The following ST8SIA5 variants were observed in gnomAD, a reference collection of about 807,000 sequenced individuals.
ST8SIA5 encodes the protein ST8 alpha-N-acetyl-neuraminide alpha-2,8-sialyltransferase 5.
In ST8SIA5, 24 loss-of-function variants were observed where a neutral mutation model predicts 40.2. That is an observed-to-expected ratio of 0.60 (90% CI 0.43 to 0.84). ST8SIA5 has a LOEUF of 0.84. ST8SIA5 is among the 40% of genes least tolerant of loss of function. ST8SIA5 has a pLI of 0.00. For missense variants in ST8SIA5, 465 were observed against 498.5 expected (o/e 0.93, Z 0.64); for synonymous variants, 198 against 201.8 (o/e 0.98, Z 0.16).
At chr18:46,738,909 T>C (rs960256418) in intron 1 of ST8SIA5, among the ~76,000 whole-genome samples, 1 of 152,176 alleles carries the variant, frequency 6.6e-6, no homozygotes, top group Non-Finnish European at 1.5e-5. Flanking sequence ...ACTAGCCACA[T>C]GCAGGCAGCC....
rs116727063 is a variant in ST8SIA5 at position 46,709,730 on chromosome 18, C to A, written c.132-5066G>T. 9.8e-3 allele frequency among the ~76,000 whole-genome samples: 1,489 copies of A among 152,276 alleles called. 20 individuals are homozygous for A. The highest frequency in any genetic ancestry group is 0.033 in the African/African-American group (1,353 of 41,544). ...AGAATTATATATACGTATGTGAAAG[C>A]ATGGGCAAAGGGAAGAATTGTAACA... On this transcript the variant is annotated intron_variant, in intron 1 of 6. Coordinates refer to ENST00000315087, the MANE Select transcript of ST8SIA5 (RefSeq NM_013305.6).
chr18:46,692,213 C>G lies in ST8SIA5; in HGVS notation c.267G>C (p.Gln89His). Residue 89 changes from glutamine to histidine, a missense_variant, in exon 3 of 7, where the codon CAG becomes CAC. Transcript: ENST00000315087. ...SELFDRWKSLQMCKWAMNISE... is the reference protein window; with the variant it reads ...SELFDRWKSLHMCKWAMNISE... The stretch of plus-strand genomic sequence containing the variant: ...AGATGTTCATCGCCCATTTGCACAT[C>G]TGGAGGCTCTTCCACCTGTCGAACA... The G allele has an allele frequency of 6.2e-7, 1 of 1,614,134 alleles. No individual in the cohort carries two copies. The highest frequency in any genetic ancestry group is 1.3e-5 in the African/African-American group (1 of 75,032).
intron 5 of ST8SIA5, among the ~76,000 whole-genome samples, chr18:46,684,599 G>A (rs1405007589): frequency 6.6e-6 from 1 of 152,102 alleles, no homozygotes; most frequent in African/African-American, 2.4e-5. Context: ...CAGAGCCTGT[G>A]GACAGAACCA....
At chr18:46,756,316 C>T in intron 1 of ST8SIA5, 62 bp downstream of exon 1, 1 of 1,595,672 alleles carries the variant, frequency 6.3e-7, no homozygotes, top group Non-Finnish European at 8.6e-7. Context: ...GCCGCGGCCA[C>T]TGCCACCCGG....
chr18:46,684,281 C>T (rs1317647370), intron 5 of ST8SIA5, among the ~76,000 whole-genome samples: 2 of 152,128 alleles, frequency 1.3e-5, no homozygotes, highest in African/African-American at 4.8e-5. Context: ...AGAAGTGTAT[C>T]CCATTTCTGA....
At chr18:46,705,158 T>C (rs538790894) in intron 1 of ST8SIA5, among the ~76,000 whole-genome samples, 1 of 152,308 alleles carries the variant, frequency 6.6e-6, no homozygotes, top group African/African-American at 2.4e-5. Context: ...TGATGGGCCT[T>C]TCTCCCCATT....
chr18:46,668,009 A>G lies in ST8SIA5; in HGVS notation c.*12033T>C, dbSNP rs2039285225. Reference sequence around the variant, plus strand: ...GGAGTTTGTATAAACCACTGCTCCCAGAACAAAATTTGCATAAAAATAAGA... The same window carrying G: ...GGAGTTTGTATAAACCACTGCTCCCGGAACAAAATTTGCATAAAAATAAGA... On this transcript the variant is annotated 3_prime_UTR_variant, in exon 7 of 7. Coordinates refer to ENST00000315087, the MANE Select transcript of ST8SIA5 (RefSeq NM_013305.6). The G allele has an allele frequency of 6.6e-6, 1 of 152,276 alleles. No individual in the cohort carries two copies. The highest frequency in any genetic ancestry group is 2.4e-5 in the African/African-American group (1 of 41,458). The allele number at this position is 152,276 out of a possible 1,614,324, so 9.4% of individuals were successfully genotyped here. A position where few individuals can be genotyped will look rare whatever the true frequency, so the allele number is the denominator to read the frequency against.
chr18:46,735,816 C>T (rs2040028590), intron 1 of ST8SIA5, among the ~76,000 whole-genome samples: 1 of 151,906 alleles, frequency 6.6e-6, no homozygotes, highest in Non-Finnish European at 1.5e-5. Flanking sequence ...TATCACTCTG[C>T]TGCCCAGGCT....
rs532410707 is a variant in ST8SIA5, at chr18:46,706,604, A to C, written c.132-1940T>G. Among the ~76,000 whole-genome samples, 5 of 152,342 alleles carry C rather than the reference A, an allele frequency of 3.3e-5. No individual in the cohort carries two copies. In the South Asian group the frequency reaches 8.3e-4, roughly 25 times the overall value. On this transcript the variant is annotated intron_variant, in intron 1 of 6. Coordinates refer to ENST00000315087, the MANE Select transcript of ST8SIA5 (RefSeq NM_013305.6). ...TTCCTTTCCAAACCACGAGCATCTC[A>C]AACACAGAGACAGTGTCTTTGTTAT...
intron 1 of ST8SIA5, among the ~76,000 whole-genome samples, chr18:46,707,647 G>A (rs551204945): frequency 4.0e-4 from 61 of 152,314 alleles, no homozygotes; most frequent in African/African-American, 1.4e-3. Context: ...CCTCTGTATG[G>A]TCTGAATGTT....
At chr18:46,700,034 C>G (rs1278795892) in intron 2 of ST8SIA5, among the ~76,000 whole-genome samples, 1 of 152,176 alleles carries the variant, frequency 6.6e-6, no homozygotes, top group East Asian at 1.9e-4. Flanking sequence ...AGCATGACCC[C>G]CATCTGGGTG....
At position 46,668,537 on chromosome 18, in the gene ST8SIA5, G is replaced by A. The variant is rs993552634; in HGVS notation, c.*11505C>T. ...TTGGGGAGGGAAGTGGCGGGGGATT[G>A]GTTCCAAACTGTACCATTGAACAAT... On this transcript the variant is annotated 3_prime_UTR_variant, in exon 7 of 7. Coordinates refer to ENST00000315087, the MANE Select transcript of ST8SIA5 (RefSeq NM_013305.6). 2 of 152,590 alleles carry A rather than the reference G, an allele frequency of 1.3e-5. No individual in the cohort carries two copies. Among genetic ancestry groups the A allele is most frequent in the African/African-American group, 4.8e-5 (2 of 41,474 alleles). The allele number at this position is 152,590 out of a possible 1,614,324, so 9.5% of individuals were successfully genotyped here.
At position 46,670,948 on chromosome 18, in the gene ST8SIA5, G is replaced by A. The variant is rs1027148964; in HGVS notation, c.*9094C>T. The A allele has an allele frequency of 2.0e-5, 3 of 152,176 alleles. No individual in the cohort carries two copies. Among genetic ancestry groups the A allele is most frequent in the Non-Finnish European group, 4.4e-5 (3 of 68,040 alleles). 9.4% of individuals were successfully genotyped at this position (152,176 alleles called of 1,614,324 possible). A position where few individuals can be genotyped will look rare whatever the true frequency, so the allele number is the denominator to read the frequency against. On this transcript the variant is annotated 3_prime_UTR_variant, in exon 7 of 7. Transcript: ENST00000315087. ...AACTGAATTTAAAATCAAAGCAAAT[G>A]CCGTGAGATATGTGATATTAGCAAA...
At chr18:46,721,306 AG>A in intron 1 of ST8SIA5, 2 of 1,474,458 alleles carry the variant, frequency 1.4e-6, no homozygotes, top group Non-Finnish European at 1.8e-6. Context: ...CAGGGGCTGC[AG>A]GGCCACCCCG....
rs2039322967 is a variant in ST8SIA5, at chr18:46,673,729, T to C, written c.*6313A>G. On this transcript the variant is annotated 3_prime_UTR_variant, in exon 7 of 7. Coordinates refer to ENST00000315087, the MANE Select transcript of ST8SIA5 (RefSeq NM_013305.6). ...AGTCTACCCTTTGAAGATCACACTG[T>C]AGATCTATCCAGTCTACCCTTTGAA... is the stretch of plus-strand genomic sequence containing the variant. The C allele has an allele frequency of 6.6e-6, 1 of 152,094 alleles. No individual in the cohort carries two copies. The highest frequency in any genetic ancestry group is 2.1e-4 in the South Asian group (1 of 4,810). 9.4% of individuals were successfully genotyped at this position (152,094 alleles called of 1,614,324 possible).
At chr18:46,689,561 A>C (rs1232284859) in intron 3 of ST8SIA5, among the ~76,000 whole-genome samples, 1 of 149,406 alleles carries the variant, frequency 6.7e-6, no homozygotes, top group Non-Finnish European at 1.5e-5. Flanking sequence ...AAAAGCCAGG[A>C]ATGTTTTATG....
chr18:46,703,334 G>T (rs1030941316), intron 2 of ST8SIA5, among the ~76,000 whole-genome samples: 32 of 152,180 alleles, frequency 2.1e-4, no homozygotes, highest in African/African-American at 7.0e-4. Flanking sequence ...TTTTTTAGTA[G>T]AGATGGGGTT....
At chr18:46,719,504 G>T (rs528731160) in intron 1 of ST8SIA5, among the ~76,000 whole-genome samples, 45 of 152,244 alleles carry the variant, frequency 3.0e-4, no homozygotes, top group African/African-American at 1.1e-3. Context: ...GTGAAACCGT[G>T]GAAAGAGGAA....
chr18:46,737,841 G>A (rs2040049716), intron 1 of ST8SIA5, among the ~76,000 whole-genome samples: 1 of 151,960 alleles, frequency 6.6e-6, no homozygotes, highest in African/African-American at 2.4e-5. Flanking sequence ...TGCAATCTTG[G>A]CTCACTGCAA....
Sources: gnomAD v4.1 joint callset for allele counts (sites outside exome capture counted in the v4.1 genomes callset) on GRCh38, gnomAD v4.1.1 for gene constraint, MANE v1.5 for transcripts, NCBI Gene and HGNC (gene_info 2026-07-23, HGNC 2026-07-21) for gene names.